The following GALNT16 variants were observed in gnomAD, a reference collection of about 807,000 sequenced individuals.
GALNT16 encodes the protein UDP-GalNAc:polypeptide N-acetylgalactosaminyltransferase-like protein 1.
GALNT16 carries 40 observed loss-of-function variants against 76.1 expected under a neutral mutation model. The ratio of observed to expected loss-of-function variants is 0.53; its 90% CI spans 0.41 to 0.68. The LOEUF (loss-of-function observed/expected upper bound fraction) is 0.68. Among genes scored for constraint, GALNT16 ranks in the 30% least tolerant of loss-of-function variants. The pLI is 0.00. For synonymous variants in GALNT16, 276 were observed against 285.2 expected, an observed-to-expected ratio of 0.97 and a Z score of 0.32; for missense variants, 621 against 731.9, an observed-to-expected ratio of 0.85 and a Z score of 1.75.
At chr14:69,374,198 T>C in the GALNT16 span, among the ~76,000 whole-genome samples, 4 of 152,202 alleles carry the variant, frequency 2.6e-5, no homozygotes, top group Non-Finnish European at 5.9e-5. Flanking sequence ...TCCTAGCCCA[T>C]CATTCACTTG....
At chr14:69,313,092 C>T (rs1278557604) in intron 1 of GALNT16, among the ~76,000 whole-genome samples, 1 of 152,202 alleles carries the variant, frequency 6.6e-6, no homozygotes, top group African/African-American at 2.4e-5. Flanking sequence ...TAGAAATAAG[C>T]CCTTGGCATA....
At chr14:69,382,825 T>G in the GALNT16 span, among the ~76,000 whole-genome samples, 10 of 151,902 alleles carry the variant, frequency 6.6e-5, no homozygotes, top group Admixed American at 3.3e-4. Flanking sequence ...AATGCCTTCT[T>G]TATGGAAAGC....
At chr14:69,292,512 C>T (rs2044699405) in intron 1 of GALNT16, among the ~76,000 whole-genome samples, 1 of 152,240 alleles carries the variant, frequency 6.6e-6, no homozygotes, top group Non-Finnish European at 1.5e-5. Context: ...AGCGCATCTC[C>T]GTCCTAATGA....
intron 1 of GALNT16, among the ~76,000 whole-genome samples, chr14:69,264,361 T>A (rs949449440): frequency 6.6e-6 from 1 of 152,228 alleles, no homozygotes; most frequent in Non-Finnish European, 1.5e-5. Flanking sequence ...GATCCTGAGA[T>A]AAGCAGATGA....
chr14:69,277,638 G>T (rs1167143763), intron 1 of GALNT16, among the ~76,000 whole-genome samples: 1 of 152,154 alleles, frequency 6.6e-6, no homozygotes, highest in East Asian at 1.9e-4. Context: ...GGACATTTGG[G>T]TTGGTTCCAA....
chr14:69,343,256 C>A (rs150191503), intron 12 of GALNT16, among the ~76,000 whole-genome samples: 2 of 152,338 alleles, frequency 1.3e-5, no homozygotes, highest in East Asian at 1.9e-4. Flanking sequence ...GCTTGCATAT[C>A]CTTGAAAGAG....
intron 2 of GALNT16, among the ~76,000 whole-genome samples, chr14:69,321,595 CCCCAG>C (rs1207391837): frequency 6.6e-6 from 1 of 152,194 alleles, no homozygotes; most frequent in Admixed American, 6.5e-5. Context: ...CCCACCTTTC[CCCCAG>C]CACTTGATGG....
chr14:69,356,584 G>T (rs34834622), downstream of GALNT16: 2 of 127,668 alleles, frequency 1.6e-5, no homozygotes, highest in Admixed American at 7.7e-5. Flanking sequence ...GAGACAGAGT[G>T]TTGCTCTGTC....
intron 1 of GALNT16, among the ~76,000 whole-genome samples, chr14:69,307,281 C>T (rs968454396): frequency 6.6e-6 from 1 of 152,206 alleles, no homozygotes; most frequent in South Asian, 2.1e-4. Flanking sequence ...GACAAACGTA[C>T]CTCGAGCAGC....
At chr14:69,270,003 G>T (rs1381042259) in intron 1 of GALNT16, among the ~76,000 whole-genome samples, 1 of 151,980 alleles carries the variant, frequency 6.6e-6, no homozygotes. Context: ...TCCTCTGAAT[G>T]GTGGTACCTG....
chr14:69,368,551 C>T, the GALNT16 span, among the ~76,000 whole-genome samples: 2 of 152,210 alleles, frequency 1.3e-5, no homozygotes, highest in Non-Finnish European at 2.9e-5. Context: ...AGCCACAGTC[C>T]TTCTGTAACT....
chr14:69,322,863 C>T (rs1409311185), intron 2 of GALNT16, among the ~76,000 whole-genome samples: 4 of 151,390 alleles, frequency 2.6e-5, no homozygotes, highest in African/African-American at 9.7e-5. Flanking sequence ...CGTACTCCAG[C>T]CTGGGTGCCA....
intron 1 of GALNT16, among the ~76,000 whole-genome samples, chr14:69,278,674 TAGG>T (rs2044503240): frequency 6.6e-6 from 1 of 152,218 alleles, no homozygotes; most frequent in Admixed American, 6.5e-5. Context: ...TGTTGTATTT[TAGG>T]TAAAAAATTG....
chr14:69,354,196 A>G lies in GALNT16; in HGVS notation c.*2028A>G, dbSNP rs572566677. The G allele has an allele frequency of 6.5e-6, 1 of 153,112 alleles. No individual in the cohort carries two copies. Among genetic ancestry groups the G allele is most frequent in the East Asian group, 1.9e-4 (1 of 5,192 alleles). 9.5% of individuals were successfully genotyped at this position (153,112 alleles called of 1,614,324 possible). A position where few individuals can be genotyped will look rare whatever the true frequency, so the allele number is the denominator to read the frequency against. ...GAGGATGGACTAGAAGGCCTGGGCC[A>G]CACTCGGGCATGGACCTTTGGGGCT... On this transcript the variant is annotated 3_prime_UTR_variant, in exon 15 of 15. Coordinates refer to ENST00000448469, the MANE Select transcript of GALNT16 (RefSeq NM_001168368.2).
At chr14:69,280,236 T>C (rs2044522442) in intron 1 of GALNT16, among the ~76,000 whole-genome samples, 1 of 151,176 alleles carries the variant, frequency 6.6e-6, no homozygotes, top group African/African-American at 2.5e-5. Flanking sequence ...ACTATCCTAC[T>C]TTCTGTCTCT....
downstream of GALNT16, among the ~76,000 whole-genome samples, chr14:69,361,955 C>T (rs186469309): frequency 2.6e-5 from 4 of 152,216 alleles, no homozygotes; most frequent in East Asian, 1.9e-4. Context: ...TGCAGTAAGC[C>T]GAAATCACGC....
At chr14:69,366,473 G>A in the GALNT16 span, among the ~76,000 whole-genome samples, 29 of 152,210 alleles carry the variant, frequency 1.9e-4, no homozygotes, top group East Asian at 5.2e-3. Flanking sequence ...GCCCTTACAG[G>A]GCCCTCTGCT....
At chr14:69,294,999 T>C (rs1220608990) in intron 1 of GALNT16, among the ~76,000 whole-genome samples, 2 of 152,228 alleles carry the variant, frequency 1.3e-5, no homozygotes, top group Non-Finnish European at 2.9e-5. Context: ...ATTCACCAGA[T>C]GATAGACATT....
rs139628933 is a variant in GALNT16 at position 69,327,700 on chromosome 14, C to A, written c.569-750C>A. Among the ~76,000 whole-genome samples, 99 of 152,272 alleles carry A rather than the reference C, an allele frequency of 6.5e-4. 1 individual carries two copies. Among genetic ancestry groups the A allele is most frequent in the South Asian group, 4.8e-3 (23 of 4,828 alleles). On this transcript the variant is annotated intron_variant, in intron 5 of 14. Transcript: ENST00000448469. ...ATACTCAGAGCTCTAAGAGTGAGGCCCTTCCCTCCCACAGCTCACAGGGCA... is the reference window on the plus strand; with the variant it reads ...ATACTCAGAGCTCTAAGAGTGAGGCACTTCCCTCCCACAGCTCACAGGGCA...
Sources: gnomAD v4.1 joint callset for allele counts (sites outside exome capture counted in the v4.1 genomes callset) on GRCh38, gnomAD v4.1.1 for gene constraint, MANE v1.5 for transcripts, NCBI Gene and HGNC (gene_info 2026-07-23, HGNC 2026-07-21) for gene names.